APEH: variants seen among roughly 807,000 people sequenced by gnomAD.
APEH encodes acylamino-acid-releasing enzyme.
APEH carries 75 observed loss-of-function variants against 102.7 expected under a neutral mutation model. The ratio of observed to expected loss-of-function variants is 0.73; its 90% CI spans 0.61 to 0.89. The LOEUF is 0.89. APEH is among the 40% of genes least tolerant of loss of function. The probability of loss-of-function intolerance (pLI) is 0.00; values close to 1 mark genes in which losing one functional copy is unlikely to be tolerated. For missense variants in APEH, 863 were observed against 941.2 expected, an observed-to-expected ratio of 0.92 and a Z score of 1.09; for synonymous variants, 344 against 362.7, an observed-to-expected ratio of 0.95 and a Z score of 0.59.
chr3:49,683,413 A>C lies in APEH; in HGVS notation c.*71A>C. The C allele has an allele frequency of 7.2e-7, 1 of 1,392,878 alleles. No individual in the cohort carries two copies. The highest frequency in any genetic ancestry group is 1.0e-6 in the Non-Finnish European group (1 of 980,932). 86.3% of individuals were successfully genotyped at this position (1,392,878 alleles called of 1,614,324 possible). A position where few individuals can be genotyped will look rare whatever the true frequency, so the allele number is the denominator to read the frequency against. On this transcript the variant is annotated 3_prime_UTR_variant, in exon 22 of 22. Transcript: ENST00000296456. The stretch of plus-strand genomic sequence containing the variant: ...CTCTTGAGGAGCTCAACGGTCTGGC[A>C]GGGCAGCAGGAGGCTTTCTGGGCTC...
chr3:49,682,873 C>T lies in APEH; in HGVS notation c.1914C>T (p.Ser638=), dbSNP rs771319583. Residue 638 remains serine (S), a synonymous_variant, in exon 20 of 22, where the codon AGC becomes AGT. Transcript: ENST00000296456. ...TGGTGGAGGCTGGCTTTCCTTTCAG[C>T]AGTGACTGCCTGCCAGACCTCAGCG... ...WCVVEAGFPF[S]SDCLPDLSVW... 6.2e-7 allele frequency: 1 copy of T among 1,613,968 alleles called. No homozygotes were observed. The highest frequency in any genetic ancestry group is 8.5e-7 in the Non-Finnish European group (1 of 1,180,046).
chr3:49,680,564 T>C lies in APEH; in HGVS notation c.1234T>C (p.Leu412=). The C allele has an allele frequency of 1.2e-6, 2 of 1,614,118 alleles. No homozygotes were observed. Among genetic ancestry groups the C allele is most frequent in the South Asian group, 1.1e-5 (1 of 91,080 alleles). The part of the protein sequence containing the change: ...TAGGSGGSWK[L]LTIDQDLMVA... The stretch of plus-strand genomic sequence containing the variant: ...AGGAGGGTCAGGTGGGAGCTGGAAG[T>C]TGCTCACAATTGACCAGGACCTCAT... The change falls in exon 14 of 22, where the codon TTG becomes CTG. Residue 412 remains leucine, a synonymous_variant. Transcript: ENST00000296456.
chr3:49,681,345 A>G (rs2053311318), intron 15 of APEH, 106 bp downstream of exon 15: 1 of 1,303,280 alleles, frequency 7.7e-7, no homozygotes, highest in Non-Finnish European at 1.0e-6. Flanking sequence ...GTTTCTGGTG[A>G]TGACCTCTAA....
At position 49,683,328 on chromosome 3, in the gene APEH, C is replaced by G. The variant is rs763383962; in HGVS notation, c.2185C>G (p.His729Asp). 43 of 1,612,886 alleles carry G rather than the reference C, an allele frequency of 2.7e-5. No individual in the cohort carries two copies. Among genetic ancestry groups the G allele is most frequent in the Non-Finnish European group, 3.4e-5 (40 of 1,179,142 alleles). ...GAATGCTGTGCTCTGGCTACGCACA[C>G]ACTTGGGCAGCTGAAGCCCTGCCAT... ...FMNAVLWLRT[H>D]LGS The change falls in exon 22 of 22, where the codon CAC (histidine) becomes GAC (aspartate). Residue 729 changes from histidine (H) to aspartate (D), a missense_variant. Physicochemically the swap from His to Asp is moderately conservative, Grantham distance 81. Coordinates refer to ENST00000296456, the MANE Select transcript of APEH (RefSeq NM_001640.4).
chr3:49,680,233 C>T (rs2053257114), intron 13 of APEH: 3 of 386,754 alleles, frequency 7.8e-6, no homozygotes, highest in Non-Finnish European at 1.5e-5. Flanking sequence ...CCCCGACCCC[C>T]AACTTCCCGG....
In APEH at chr3:49,682,435, A is replaced by G; in HGVS notation, c.1691A>G (p.Gln564Arg). ...NVGHQDVKDV[Q>R]FAVEQVLQEE... ...GGCCACCAGGATGTGAAGGATGTCC[A>G]GGTAGCAGGGGCTGGGGCTTCTGGA... is the stretch of plus-strand genomic sequence containing the variant. The change falls in exon 18 of 22, where the codon CAG becomes CGG. Residue 564 changes from glutamine (Q) to arginine (R), a missense_variant and splice_region_variant. By Grantham distance (43) the Gln-to-Arg change is conservative. Transcript: ENST00000296456. The G allele has an allele frequency of 6.2e-7, 1 of 1,613,846 alleles. No individual in the cohort carries two copies. Among genetic ancestry groups the G allele is most frequent in the Non-Finnish European group, 8.5e-7 (1 of 1,179,778 alleles).
chr3:49,683,058 C>T lies in APEH; in HGVS notation c.2005C>T (p.Leu669=), dbSNP rs1296443262. 6 of 1,614,048 alleles carry T rather than the reference C, an allele frequency of 3.7e-6. No individual in the cohort carries two copies. The highest frequency in any genetic ancestry group is 5.1e-6 in the Non-Finnish European group (6 of 1,179,996). Residue 669 remains leucine (L), a synonymous_variant, in exon 21 of 22, where the codon CTG becomes TTG. Coordinates refer to ENST00000296456, the MANE Select transcript of APEH (RefSeq NM_001640.4). ...CACCCAGGTGAAGACACCACTGTTA[C>T]TGATGTTGGGCCAGGAGGACCGGCG... The part of the protein sequence containing the change: ...YIPQVKTPLL[L]MLGQEDRRVP...
rs2053220653 is a variant in APEH, at chr3:49,679,406, G to A, written c.1159-187G>A. 6.6e-6 allele frequency among the ~76,000 whole-genome samples: 1 copy of A among 152,182 alleles called. No homozygotes were observed. Among genetic ancestry groups the A allele is most frequent in the African/African-American group, 2.4e-5 (1 of 41,434 alleles). ...CAGGGTCACCCAGCAAGTTGTGATGGTGCTGGGATTTGAACCCAGGCCCTC... is the reference window on the plus strand; with the variant it reads ...CAGGGTCACCCAGCAAGTTGTGATGATGCTGGGATTTGAACCCAGGCCCTC... On this transcript the variant is annotated intron_variant, in intron 12 of 21. Transcript: ENST00000296456. This position sits in a 1 kb window ranked among gnomAD's most constrained non-coding sequence, Gnocchi z 4.3.
upstream of APEH, chr3:49,673,898 C>G (rs566610637): frequency 1.2e-5 from 2 of 162,322 alleles, no homozygotes; most frequent in Admixed American, 6.4e-5. Flanking sequence ...CCCGCCTTGC[C>G]CTTCATCCTC....
upstream of APEH, chr3:49,674,068 A>C: frequency 2.4e-6 from 1 of 418,636 alleles, no homozygotes. Context: ...CCGCTTCCAC[A>C]GGGCCGCCCC....
Position 49,679,099 on chromosome 3 carries a change from C to T in APEH, c.1158+150C>T, listed in dbSNP as rs2053204014. The T allele has an allele frequency of 1.5e-6, 1 of 657,584 alleles. No individual in the cohort carries two copies. Among genetic ancestry groups the T allele is most frequent in the Non-Finnish European group, 2.6e-6 (1 of 387,440 alleles). 40.7% of individuals were successfully genotyped at this position (657,584 alleles called of 1,614,324 possible). On this transcript the variant is annotated intron_variant, in intron 12 of 21. Coordinates refer to ENST00000296456, the MANE Select transcript of APEH (RefSeq NM_001640.4). The surrounding 1 kb of genome is among the most constrained non-coding windows in gnomAD (Gnocchi z 4.3). ...CTGCCTGCCCATCCTGGACTCATTT[C>T]TCCTGGAGGGGACTGGCTGCCCTGG...
upstream of APEH, chr3:49,674,290 T>G: frequency 7.3e-7 from 1 of 1,364,758 alleles, no homozygotes; most frequent in South Asian, 1.4e-5. Flanking sequence ...CCCTCACAGA[T>G]TGCCGCAGGG....
At chr3:49,681,361 T>G in intron 15 of APEH, 122 bp downstream of exon 15, 1 of 1,172,440 alleles carries the variant, frequency 8.5e-7, no homozygotes. Context: ...TCTAAGAGGT[T>G]TTCTGTTCCT....
In APEH at chr3:49,679,893, C is replaced by T; in HGVS notation, c.1210+249C>T. 4.5e-6 allele frequency: 2 copies of T among 443,616 alleles called. No individual in the cohort carries two copies. The highest frequency in any genetic ancestry group is 2.4e-5 in the South Asian group (1 of 41,116). 27.5% of individuals were successfully genotyped at this position (443,616 alleles called of 1,614,324 possible). ...TCAACTCTGTTCCATGTGTCCTGGC[C>T]CAGCCTCAGCACGGCCCCCACCTCT... On this transcript the variant is annotated intron_variant, in intron 13 of 21. Coordinates refer to ENST00000296456, the MANE Select transcript of APEH (RefSeq NM_001640.4). This position sits in a 1 kb window ranked among gnomAD's most constrained non-coding sequence, Gnocchi z 4.3.
chr3:49,678,062 C>T (rs369330453), intron 11 of APEH, among the ~76,000 whole-genome samples: 1 of 152,290 alleles, frequency 6.6e-6, no homozygotes. Context: ...ACCATCCTAA[C>T]CCCAGCAACC....
intron 14 of APEH, 40 bp downstream of exon 14, chr3:49,680,669 C>A: frequency 6.4e-7 from 1 of 1,574,774 alleles, no homozygotes; most frequent in South Asian, 1.1e-5. Flanking sequence ...GGCAGGGGTT[C>A]TGGGCAGGCA....
rs3816877 is a variant in APEH, at chr3:49,682,366, C to G, written c.1622C>G (p.Thr541Arg). 6.2e-7 allele frequency: 1 copy of G among 1,613,668 alleles called. No homozygotes were observed. Among genetic ancestry groups the G allele is most frequent in the South Asian group, 1.1e-5 (1 of 90,988 alleles). ...AVLLVNYRGS[T>R]GFGQDSILSL... Reference sequence around the variant, plus strand: ...CCCTCAGTGAACTATCGTGGCTCCACGGGCTTTGGCCAGGACAGCATCCTC... The same window carrying G: ...CCCTCAGTGAACTATCGTGGCTCCAGGGGCTTTGGCCAGGACAGCATCCTC... The change falls in exon 18 of 22, where the codon ACG becomes AGG. Residue 541 changes from threonine to arginine, a missense_variant. Thr to Arg is a moderately conservative substitution (Grantham distance 71). Transcript: ENST00000296456.
In APEH at chr3:49,680,350, T is replaced by C. The variant is rs576523999; in HGVS notation, c.1211-191T>C. On this transcript the variant is annotated intron_variant, in intron 13 of 21. Transcript: ENST00000296456. ...CAGTTCCCAGCCCAGCCAGTGTCTGTCAGATGAACAACAGACTGAGAGCAG... is the reference window on the plus strand; with the variant it reads ...CAGTTCCCAGCCCAGCCAGTGTCTGCCAGATGAACAACAGACTGAGAGCAG... The C allele has an allele frequency of 3.4e-3, 1,962 of 574,334 alleles. 13 individuals are homozygous for C. The highest frequency in any genetic ancestry group is 3.2e-3 in the Non-Finnish European group (1,014 of 316,642). The allele number at this position is 574,334 out of a possible 1,614,324, so 35.6% of individuals were successfully genotyped here. A position where few individuals can be genotyped will look rare whatever the true frequency, so the allele number is the denominator to read the frequency against.
rs572051966 is a variant in APEH at position 49,675,271 on chromosome 3, T to C, written c.234T>C (p.Phe78=). 3.5e-5 allele frequency: 56 copies of C among 1,614,034 alleles called. 1 individual carries two copies. The South Asian group carries it at 5.7e-4, about 16-fold the overall frequency. The part of the protein sequence containing the change: ...LVFHDGDSVV[F]AGPAGNSVET... ...TCCATGACGGGGACTCAGTGGTGTT[T>C]GCAGGACCTGCAGGCAACAGTGTGG... Residue 78 remains phenylalanine (F), a synonymous_variant, in exon 3 of 22, where the codon TTT becomes TTC. Coordinates refer to ENST00000296456, the MANE Select transcript of APEH (RefSeq NM_001640.4).
Sources: allele counts gnomAD v4.1 joint callset (sites outside exome capture counted in the v4.1 genomes callset), GRCh38; gene constraint gnomAD v4.1.1; non-coding constraint Gnocchi (gnomAD v3.1); transcripts MANE v1.5; gene names NCBI Gene and HGNC (gene_info 2026-07-23, HGNC 2026-07-21).